The following MGAT4C variants were observed in gnomAD, a reference collection of about 807,000 sequenced individuals.
MGAT4C encodes MGAT4 family member C, also known as alpha-1,3-mannosyl-glycoprotein 4-beta-N-acetylglucosaminyltransferase C.
In MGAT4C, 19 loss-of-function variants were observed where a neutral mutation model predicts 40.1. The ratio of observed to expected loss-of-function variants is 0.47; its 90% CI spans 0.33 to 0.70. The LOEUF is 0.70. MGAT4C is among the 30% of genes least tolerant of loss of function. MGAT4C has a pLI of 0.02. For missense variants in MGAT4C, 491 were observed against 563.2 expected (o/e 0.87, Z 1.30); for synonymous variants, 181 against 187.1 (o/e 0.97, Z 0.27).
At chr12:86,245,222 C>T (rs1951973623) in intron 1 of MGAT4C, among the ~76,000 whole-genome samples, 2 of 152,198 alleles carry the variant, frequency 1.3e-5, no homozygotes, top group Admixed American at 1.3e-4. Flanking sequence ...TCCCTGATCT[C>T]AGACACTCCG....
At position 85,964,450 on chromosome 12, in the gene MGAT4C, C is replaced by CTATT. The variant is rs927849205; in HGVS notation, c.*14835_*14838dup. 1.3e-5 allele frequency: 2 copies of CTATT among 152,038 alleles called. No homozygotes were observed. Among genetic ancestry groups the CTATT allele is most frequent in the Admixed American group, 6.6e-5 (1 of 15,252 alleles). The allele number at this position is 152,038 out of a possible 1,614,324, so 9.4% of individuals were successfully genotyped here. ...ACCAGGATGAAATAATAGTATCATT[C>CTATT]TATTTCAGGTTCTTAAGCAACATTC... On this transcript the variant is annotated 3_prime_UTR_variant, in exon 5 of 5. Transcript: ENST00000611864.
chr12:86,677,757 G>A (rs1949894035), intron 2 of MGAT4C, among the ~76,000 whole-genome samples: 1 of 151,618 alleles, frequency 6.6e-6, no homozygotes, highest in Non-Finnish European at 1.5e-5. Flanking sequence ...TGAGGGAAAT[G>A]TTGGTCAAAT....
At chr12:86,488,922 G>T (rs552427175) in intron 2 of MGAT4C, among the ~76,000 whole-genome samples, 1 of 152,270 alleles carries the variant, frequency 6.6e-6, no homozygotes, top group South Asian at 2.1e-4. Flanking sequence ...GGCAGACAGA[G>T]GTGGGTCCCT....
At chr12:86,667,308 T>C (rs1964135311) in intron 2 of MGAT4C, among the ~76,000 whole-genome samples, 1 of 152,188 alleles carries the variant, frequency 6.6e-6, no homozygotes, top group Admixed American at 6.5e-5. Context: ...AGACACATGC[T>C]AGATTAGGCA....
intron 2 of MGAT4C, among the ~76,000 whole-genome samples, chr12:86,562,251 A>G (rs1373419632): frequency 6.6e-6 from 1 of 152,192 alleles, no homozygotes; most frequent in Non-Finnish European, 1.5e-5. Context: ...GAAATTGCAG[A>G]AAATCAGACA....
intron 4 of MGAT4C, among the ~76,000 whole-genome samples, chr12:86,307,721 G>T (rs1053642450): frequency 6.7e-6 from 1 of 149,312 alleles, no homozygotes; most frequent in African/African-American, 2.5e-5. Context: ...TATTTTTTTT[G>T]AGACGTTGTC....
intron 2 of MGAT4C, among the ~76,000 whole-genome samples, chr12:86,700,166 CAGACAGACAGACAGATAGATAGATAGAT>C (rs1440746399): frequency 1.8e-4 from 17 of 94,438 alleles, no homozygotes; most frequent in African/African-American, 6.6e-4. Context: ...GACAGACAGA[CAGACAGACAGACAGATAGATAGATAGAT>C]AGATAGATAG....
At chr12:86,554,967 T>C (rs902270908) in intron 2 of MGAT4C, among the ~76,000 whole-genome samples, 7 of 152,108 alleles carry the variant, frequency 4.6e-5, no homozygotes, top group Non-Finnish European at 1.0e-4. Flanking sequence ...TATGGCCCCC[T>C]CCTCTGTCTT....
chr12:86,101,326 C>A (rs906362308), intron 1 of MGAT4C, among the ~76,000 whole-genome samples: 2 of 151,754 alleles, frequency 1.3e-5, no homozygotes, highest in African/African-American at 4.8e-5. Flanking sequence ...GTTATTTACA[C>A]AGAGGGTGTC....
In MGAT4C at chr12:86,478,183, G is replaced by C. The variant is rs550197026; in HGVS notation, c.-228-42918C>G. On this transcript the variant is annotated intron_variant, in intron 2 of 7. Coordinates refer to the MGAT4C transcript ENST00000548651. ...CTAAATGGCATACTCATATACAGGA[G>C]AGAGGTCAGAGGCCAGTCTAGCAAC... Among the ~76,000 whole-genome samples, 5 of 152,266 alleles carry C rather than the reference G, an allele frequency of 3.3e-5. No homozygotes were observed. In the South Asian group the frequency reaches 1.0e-3, roughly 31 times the overall value.
At chr12:86,759,045 C>T (rs536451686) in intron 1 of MGAT4C, among the ~76,000 whole-genome samples, 12 of 152,154 alleles carry the variant, frequency 7.9e-5, no homozygotes, top group South Asian at 2.1e-4. Context: ...CCTCCCTCCC[C>T]GCTCTGTTCC....
rs572629940 is a variant in MGAT4C, at chr12:86,631,382, T to C, written c.-229+95827A>G. ...CCCCATGAAGCTACCAATGGCTTTC[T>C]TCACAGAATTAGAAAAAACTACTTT... On this transcript the variant is annotated intron_variant, in intron 2 of 7. Coordinates refer to the MGAT4C transcript ENST00000548651. Among the ~76,000 whole-genome samples, 211 of 152,188 alleles carry C rather than the reference T, an allele frequency of 1.4e-3. 4 individuals carry two copies. Among genetic ancestry groups the C allele is most frequent in the African/African-American group, 4.9e-3 (205 of 41,458 alleles).
chr12:86,499,708 A>G (rs935415393), intron 2 of MGAT4C, among the ~76,000 whole-genome samples: 2 of 151,940 alleles, frequency 1.3e-5, no homozygotes, highest in African/African-American at 4.8e-5. Context: ...CATTCTAGTT[A>G]TCACAATTCA....
chr12:86,401,269 TGTGTGTGTGTGTATGTGG>T (rs1956357287), intron 3 of MGAT4C, among the ~76,000 whole-genome samples: 1 of 132,496 alleles, frequency 7.5e-6, no homozygotes, highest in African/African-American at 2.6e-5. Context: ...TATGTGTGTG[TGTGTGTGTGTGTATGTGG>T]GTGTGTGTGT....
In MGAT4C at chr12:85,956,844, G is replaced by A. The variant is rs1244753783; in HGVS notation, c.*22445C>T. On this transcript the variant is annotated 3_prime_UTR_variant, in exon 5 of 5. Coordinates refer to ENST00000611864, the MANE Select transcript of MGAT4C (RefSeq NM_001351288.2). ...AACAGAATTTTATTTTTCTTTTACCGTGGCCCAAGTAATGTTTGAAGTAAC... is the reference window on the plus strand; with the variant it reads ...AACAGAATTTTATTTTTCTTTTACCATGGCCCAAGTAATGTTTGAAGTAAC... The A allele has an allele frequency of 6.6e-6, 1 of 152,128 alleles. No homozygotes were observed. Among genetic ancestry groups the A allele is most frequent in the African/African-American group, 2.4e-5 (1 of 41,422 alleles). The allele number at this position is 152,128 out of a possible 1,614,324, so 9.4% of individuals were successfully genotyped here. A position where few individuals can be genotyped will look rare whatever the true frequency, so the allele number is the denominator to read the frequency against.
intron 1 of MGAT4C, among the ~76,000 whole-genome samples, chr12:86,764,631 G>C: frequency 6.7e-6 from 1 of 150,206 alleles, no homozygotes. Context: ...GGGGCAGACT[G>C]ACACCTCACA....
chr12:85,996,781 A>G (rs772249900), intron 2 of MGAT4C, among the ~76,000 whole-genome samples: 16 of 152,210 alleles, frequency 1.1e-4, no homozygotes, highest in Admixed American at 3.9e-4. Context: ...AAAAAAGGGA[A>G]TAAATAAAGG....
chr12:86,438,122 G>T (rs1457889934), intron 2 of MGAT4C, among the ~76,000 whole-genome samples: 1 of 151,942 alleles, frequency 6.6e-6, no homozygotes. Flanking sequence ...AGTTGTGAAT[G>T]CACAGGAAAA....
At chr12:85,989,243 A>G (rs1000308683) in intron 3 of MGAT4C, among the ~76,000 whole-genome samples, 157 bp downstream of exon 3, 3 of 152,046 alleles carry the variant, frequency 2.0e-5, no homozygotes, top group South Asian at 2.1e-4. Context: ...ATGTTGATGT[A>G]TGGTTAATAC....
Sources: allele counts gnomAD v4.1 joint callset (sites outside exome capture counted in the v4.1 genomes callset), GRCh38; gene constraint gnomAD v4.1.1; transcripts MANE v1.5; gene names NCBI Gene and HGNC (gene_info 2026-07-23, HGNC 2026-07-21).